The following PTGFRN variants were observed in gnomAD, a reference collection of about 807,000 sequenced individuals.
The protein encoded by PTGFRN is prostaglandin F2 receptor inhibitor, also known as prostaglandin F2 receptor negative regulator.
PTGFRN carries 35 observed loss-of-function variants against 83.2 expected under a neutral mutation model. The ratio of observed to expected loss-of-function variants is 0.42; its 90% CI spans 0.32 to 0.56. The LOEUF is 0.56. Among genes scored for constraint, PTGFRN ranks in the 20% least tolerant of loss-of-function variants. The pLI is 0.11. For missense variants in PTGFRN, 1,051 were observed against 1,179.5 expected, an observed-to-expected ratio of 0.89 and a Z score of 1.60; for synonymous variants, 519 against 498.6, an observed-to-expected ratio of 1.04 and a Z score of -0.55.
At chr1:116,920,374 T>C (rs976105841) in intron 1 of PTGFRN, among the ~76,000 whole-genome samples, 53 of 152,252 alleles carry the variant, frequency 3.5e-4, no homozygotes, top group African/African-American at 1.1e-3. Flanking sequence ...TTTTCTTTTA[T>C]GTGTGCAAGT....
chr1:116,937,421 C>G (rs1050073936), intron 1 of PTGFRN, among the ~76,000 whole-genome samples: 1 of 152,218 alleles, frequency 6.6e-6, no homozygotes, highest in African/African-American at 2.4e-5. Flanking sequence ...GTAAGGGACA[C>G]TGCAGTAATG....
chr1:116,944,915 G>C lies in PTGFRN; in HGVS notation c.655G>C (p.Asp219His). The change falls in exon 3 of 9, where the codon GAC becomes CAC. Residue 219 changes from aspartate to histidine, a missense_variant. By Grantham distance (81) the Asp-to-His change is moderately conservative. Around this residue, in one of 3 missense-constraint regions of PTGFRN, gnomAD observed 205 missense variants for 174.5 expected, o/e 1.17. Coordinates refer to ENST00000393203, the MANE Select transcript of PTGFRN (RefSeq NM_020440.4). ...LGYEQRYHSG[D>H]VRLDTVGSDA... ...GTACGAGCAGCGCTACCACAGTGGG[G>C]ACGTGCGCCTCGACACCGTGGGCAG... is the stretch of plus-strand genomic sequence containing the variant. The C allele has an allele frequency of 6.2e-7, 1 of 1,612,600 alleles. No homozygotes were observed. Among genetic ancestry groups the C allele is most frequent in the Non-Finnish European group, 8.5e-7 (1 of 1,179,976 alleles).
At chr1:116,974,872 T>C (rs1184433583) in intron 7 of PTGFRN, among the ~76,000 whole-genome samples, 2 of 152,118 alleles carry the variant, frequency 1.3e-5, no homozygotes, top group East Asian at 3.9e-4. Context: ...TGTTGGGCAG[T>C]GGGTGCAGGA....
At chr1:116,951,082 C>G (rs989017206) in intron 4 of PTGFRN, among the ~76,000 whole-genome samples, 1 of 152,158 alleles carries the variant, frequency 6.6e-6, no homozygotes. Flanking sequence ...CGTACCCGCT[C>G]CCCCTTCAGC....
Position 116,944,947 on chromosome 1 carries a change from C to G in PTGFRN, c.687C>G (p.Ala229=). 1 of 1,613,442 alleles carries G rather than the reference C, an allele frequency of 6.2e-7. No individual in the cohort carries two copies. The highest frequency in any genetic ancestry group is 1.3e-5 in the African/African-American group (1 of 75,056). The change falls in exon 3 of 9, where the codon GCC becomes GCG. Residue 229 remains alanine (A), a synonymous_variant. Transcript: ENST00000393203. ...GCCTCGACACCGTGGGCAGCGACGCCTACCGCCTCTCAGTGTCCCGGGCTC... is the reference window on the plus strand; with the variant it reads ...GCCTCGACACCGTGGGCAGCGACGCGTACCGCCTCTCAGTGTCCCGGGCTC... ...DVRLDTVGSD[A]YRLSVSRALS...
intron 7 of PTGFRN, among the ~76,000 whole-genome samples, chr1:116,982,915 GGCCAGAGGCCCA>G (rs1470098106): frequency 6.6e-6 from 1 of 152,122 alleles, no homozygotes; most frequent in Non-Finnish European, 1.5e-5. Flanking sequence ...TACCTGCAGT[GGCCAGAGGCCCA>G]GCCCACCAGC....
chr1:116,977,844 T>C (rs1178086510), intron 7 of PTGFRN, among the ~76,000 whole-genome samples: 1 of 152,104 alleles, frequency 6.6e-6, no homozygotes, highest in Non-Finnish European at 1.5e-5. Context: ...ATTCAAAAGC[T>C]AGCAGAAGGC....
chr1:116,939,121 G>A (rs968186354), intron 1 of PTGFRN, among the ~76,000 whole-genome samples: 2 of 152,230 alleles, frequency 1.3e-5, no homozygotes, highest in African/African-American at 4.8e-5. Flanking sequence ...TTTTCCAGGT[G>A]AACGGTGCAA....
At chr1:116,935,932 T>G (rs1649912065) in intron 1 of PTGFRN, among the ~76,000 whole-genome samples, 1 of 152,200 alleles carries the variant, frequency 6.6e-6, no homozygotes, top group Non-Finnish European at 1.5e-5. Flanking sequence ...GTTTCTTATA[T>G]TGACTCCTGA....
chr1:116,956,569 C>T (rs1043842704), intron 4 of PTGFRN, among the ~76,000 whole-genome samples: 4 of 152,282 alleles, frequency 2.6e-5, no homozygotes, highest in East Asian at 3.9e-4. Flanking sequence ...GGAAGGAAGG[C>T]GGAGCATAGG....
rs1649587826 is a variant in PTGFRN, at chr1:116,923,567, G to A, written c.49+13315G>A. On this transcript the variant is annotated intron_variant, in intron 1 of 8. Coordinates refer to ENST00000393203, the MANE Select transcript of PTGFRN (RefSeq NM_020440.4). The surrounding 1 kb of genome is among the most constrained non-coding windows in gnomAD (Gnocchi z 4.0). ...CTGCCTCCACCCCTTCCCTTTGCAG[G>A]ATTGATACAACCGTTTCCACCCCAG... Among the ~76,000 whole-genome samples, 1 of 152,136 alleles carries A rather than the reference G, an allele frequency of 6.6e-6. No individual in the cohort carries two copies. Among genetic ancestry groups the A allele is most frequent in the African/African-American group, 2.4e-5 (1 of 41,434 alleles).
intron 1 of PTGFRN, among the ~76,000 whole-genome samples, chr1:116,931,433 G>C (rs1351417096): frequency 6.6e-6 from 1 of 151,354 alleles, no homozygotes; most frequent in Non-Finnish European, 1.5e-5. Flanking sequence ...GCTGTGTGTT[G>C]AATGAGTTAT....
intron 7 of PTGFRN, among the ~76,000 whole-genome samples, chr1:116,980,875 AG>A (rs1651300253): frequency 6.6e-6 from 1 of 152,154 alleles, no homozygotes; most frequent in African/African-American, 2.4e-5. Context: ...ATATGCCCAA[AG>A]TCTGTCCTCA....
chr1:116,944,646 A>T (rs1199203335), intron 2 of PTGFRN, 33 bp from the exon 3 acceptor site: 1 of 1,387,274 alleles, frequency 7.2e-7, no homozygotes, highest in African/African-American at 1.5e-5. Context: ...GTCGGTGTGG[A>T]CGGGCTACTG....
At chr1:116,910,517 G>C (rs1345862906) in intron 1 of PTGFRN, among the ~76,000 whole-genome samples, 1 of 151,900 alleles carries the variant, frequency 6.6e-6, no homozygotes, top group African/African-American at 2.4e-5. Flanking sequence ...ACATGTGCCG[G>C]GGGGAGTGGC....
chr1:116,988,397 C>G lies in PTGFRN; in HGVS notation c.*1430C>G, dbSNP rs565393389. ...GCTTTAAAAGCTCTGTCCTTGGAGC[C>G]TCCCGCTCCCTGAAGTGTCTCGCCC... On this transcript the variant is annotated 3_prime_UTR_variant, in exon 9 of 9. Transcript: ENST00000393203. The G allele has an allele frequency of 6.5e-6, 1 of 152,786 alleles. No homozygotes were observed. Among genetic ancestry groups the G allele is most frequent in the East Asian group, 1.9e-4 (1 of 5,176 alleles). 9.5% of individuals were successfully genotyped at this position (152,786 alleles called of 1,614,324 possible).
chr1:116,909,991 A>C lies in PTGFRN; in HGVS notation c.-213A>C. ...CCGGCTCCCGGGCCCGGCCGGCTGGAGGAGGGAGGGAAGGAGGCGGGAGGG... is the reference window on the plus strand; with the variant it reads ...CCGGCTCCCGGGCCCGGCCGGCTGGCGGAGGGAGGGAAGGAGGCGGGAGGG... On this transcript the variant is annotated 5_prime_UTR_variant, in exon 1 of 9. Transcript: ENST00000393203. 1 of 572,826 alleles carries C rather than the reference A, an allele frequency of 1.7e-6. No individual in the cohort carries two copies. Among genetic ancestry groups the C allele is most frequent in the Non-Finnish European group, 3.1e-6 (1 of 327,526 alleles). The allele number at this position is 572,826 out of a possible 1,614,324, so 35.5% of individuals were successfully genotyped here.
chr1:116,982,929 CCCACCAGCTGGGGTGGACTGG>C (rs1651360335), intron 7 of PTGFRN, among the ~76,000 whole-genome samples: 1 of 152,080 alleles, frequency 6.6e-6, no homozygotes, highest in South Asian at 2.1e-4. Context: ...AGAGGCCCAG[CCCACCAGCTGGGGTGGACTGG>C]CCACCAGCTG....
rs1426218700 is a variant in PTGFRN, at chr1:116,988,431, G to T, written c.*1464G>T. The T allele has an allele frequency of 6.5e-6, 1 of 152,674 alleles. No individual in the cohort carries two copies. Among genetic ancestry groups the T allele is most frequent in the Non-Finnish European group, 1.5e-5 (1 of 68,096 alleles). 9.5% of individuals were successfully genotyped at this position (152,674 alleles called of 1,614,324 possible). A position where few individuals can be genotyped will look rare whatever the true frequency, so the allele number is the denominator to read the frequency against. On this transcript the variant is annotated 3_prime_UTR_variant, in exon 9 of 9. Transcript: ENST00000393203. Reference sequence around the variant, plus strand: ...CCTGAAGTGTCTCGCCCCCTGCACAGCACTGGCCTTTCGGAAGCATCCCAG... The same window carrying T: ...CCTGAAGTGTCTCGCCCCCTGCACATCACTGGCCTTTCGGAAGCATCCCAG...
Sources: gnomAD v4.1 joint callset for allele counts (sites outside exome capture counted in the v4.1 genomes callset) on GRCh38, gnomAD v4.1.1 for gene constraint, gnomAD v4.1.1 regional missense constraint, Gnocchi (gnomAD v3.1) non-coding constraint, MANE v1.5 for transcripts, NCBI Gene and HGNC (gene_info 2026-07-23, HGNC 2026-07-21) for gene names.